The following RAP1GAP2 variants were observed in gnomAD, a reference collection of about 807,000 sequenced individuals.
The protein encoded by RAP1GAP2 is rap1 GTPase-activating protein 2.
RAP1GAP2 carries 27 observed loss-of-function variants against 95.0 expected under a neutral mutation model. That is an observed-to-expected ratio of 0.28 (90% CI 0.21 to 0.39). The LOEUF (loss-of-function observed/expected upper bound fraction) is 0.39, where lower values mean the gene tolerates loss of function less well. RAP1GAP2 is among the 10% of genes least tolerant of loss of function. RAP1GAP2 has a pLI of 1.00. For missense variants in RAP1GAP2, 771 were observed against 970.0 expected (o/e 0.79, Z 2.72); for synonymous variants, 373 against 380.9 (o/e 0.98, Z 0.24).
upstream of RAP1GAP2, among the ~76,000 whole-genome samples, chr17:2,772,458 T>C (rs2068415168): frequency 6.6e-6 from 1 of 152,042 alleles, no homozygotes; most frequent in African/African-American, 2.4e-5. Context: ...GGCTAATTTA[T>C]TTCATTTTAT....
At chr17:2,865,831 G>A (rs2072593015) in intron 2 of RAP1GAP2, among the ~76,000 whole-genome samples, 1 of 152,194 alleles carries the variant, frequency 6.6e-6, no homozygotes, top group African/African-American at 2.4e-5. Flanking sequence ...TCTAGAAAGG[G>A]CTGCCAGCCC....
In RAP1GAP2 at chr17:2,827,861, C is replaced by G. The variant is rs989690717; in HGVS notation, c.80+27311C>G. Among the ~76,000 whole-genome samples, 1 of 151,760 alleles carries G rather than the reference C, an allele frequency of 6.6e-6. No homozygotes were observed. The highest frequency in any genetic ancestry group is 2.4e-5 in the African/African-American group (1 of 41,312). On this transcript the variant is annotated intron_variant, in intron 2 of 24. Coordinates refer to ENST00000254695, the MANE Select transcript of RAP1GAP2 (RefSeq NM_015085.5). The surrounding 1 kb of genome is among the most constrained non-coding windows in gnomAD (Gnocchi z 4.1). ...ACAAGGGGGAGGGTTCATACACGAT[C>G]GGTTGCAGCAGGCACGCCAGTGACG...
upstream of RAP1GAP2, among the ~76,000 whole-genome samples, chr17:2,794,550 G>A (rs925162210): frequency 5.9e-5 from 9 of 152,210 alleles, no homozygotes; most frequent in African/African-American, 9.6e-5. Flanking sequence ...AGAGGTGAGG[G>A]TTGGGGGAAG....
chr17:2,851,154 A>G (rs1235425649), intron 2 of RAP1GAP2, among the ~76,000 whole-genome samples: 1 of 152,178 alleles, frequency 6.6e-6, no homozygotes, highest in Non-Finnish European at 1.5e-5. Context: ...AAGAATTATG[A>G]AGGAGGTGGC....
At position 3,004,099 on chromosome 17, in the gene RAP1GAP2, A is replaced by C. The variant is rs1567882950; in HGVS notation, c.1201-1270A>C. Among the ~76,000 whole-genome samples the C allele has an allele frequency of 6.6e-6, 1 of 151,994 alleles. No individual in the cohort carries two copies. The highest frequency in any genetic ancestry group is 6.6e-5 in the Admixed American group (1 of 15,262). On this transcript the variant is annotated intron_variant, in intron 14 of 24. Transcript: ENST00000254695. This position sits in a 1 kb window ranked among gnomAD's most constrained non-coding sequence, Gnocchi z 4.1. ...TCTGCAGTCTCCCCATAGCCTTCCC[A>C]CACCCCCACCCCTGATTCTGGCTCT...
chr17:2,941,169 A>G (rs2043481690), intron 3 of RAP1GAP2, among the ~76,000 whole-genome samples: 1 of 152,204 alleles, frequency 6.6e-6, no homozygotes, highest in African/African-American at 2.4e-5. Context: ...TGGGAGGCCG[A>G]AGCGGGTGGA....
intron 22 of RAP1GAP2, among the ~76,000 whole-genome samples, chr17:3,028,852 G>A (rs2047206507): frequency 6.6e-6 from 1 of 152,176 alleles, no homozygotes; most frequent in African/African-American, 2.4e-5. Context: ...CCAGGCTGGA[G>A]TGCAATGGCG....
chr17:2,853,256 C>G (rs1174770317), intron 2 of RAP1GAP2, among the ~76,000 whole-genome samples: 1 of 151,936 alleles, frequency 6.6e-6, no homozygotes, highest in East Asian at 1.9e-4. Context: ...CGAGCCGGGG[C>G]GGGCGCCGGG....
intron 2 of RAP1GAP2, among the ~76,000 whole-genome samples, chr17:2,858,999 G>C (rs1376048514): frequency 6.6e-6 from 1 of 151,846 alleles, no homozygotes; most frequent in Admixed American, 6.6e-5. Flanking sequence ...GTCAGTATTT[G>C]AATTTCCCCA....
chr17:2,915,336 T>G (rs958095668), intron 3 of RAP1GAP2, among the ~76,000 whole-genome samples: 7 of 151,930 alleles, frequency 4.6e-5, no homozygotes, highest in African/African-American at 1.7e-4. Flanking sequence ...GCTCAAGCCA[T>G]CCTTCCACCT....
At chr17:2,921,749 G>A (rs976624175) in intron 3 of RAP1GAP2, among the ~76,000 whole-genome samples, 1 of 151,988 alleles carries the variant, frequency 6.6e-6, no homozygotes, top group Non-Finnish European at 1.5e-5. Flanking sequence ...GACCGTTAAG[G>A]TGTCCTTAAG....
intron 2 of RAP1GAP2, among the ~76,000 whole-genome samples, chr17:2,889,047 G>A (rs2073599829): frequency 6.6e-6 from 1 of 152,160 alleles, no homozygotes; most frequent in Non-Finnish European, 1.5e-5. Flanking sequence ...AAACACAGGA[G>A]TGCAGATGGC....
At chr17:2,987,396 T>C (rs1597803214) in intron 11 of RAP1GAP2, among the ~76,000 whole-genome samples, 1 of 152,228 alleles carries the variant, frequency 6.6e-6, no homozygotes, top group African/African-American at 2.4e-5. Flanking sequence ...GGAGTTTTGC[T>C]CTTGTTGCCC....
intron 3 of RAP1GAP2, among the ~76,000 whole-genome samples, chr17:2,920,772 T>C (rs1027359982): frequency 4.6e-5 from 7 of 152,218 alleles, no homozygotes; most frequent in Admixed American, 2.6e-4. Flanking sequence ...GGTGGTTTCA[T>C]TGATAATCCC....
At chr17:2,992,312 C>T (rs901967960) in intron 12 of RAP1GAP2, among the ~76,000 whole-genome samples, 5 of 151,956 alleles carry the variant, frequency 3.3e-5, no homozygotes, top group African/African-American at 1.2e-4. Flanking sequence ...AAGGCGCGCG[C>T]CACCATGCCT....
chr17:2,800,112 G>A (rs1393605884), intron 1 of RAP1GAP2: 12 of 830,080 alleles, frequency 1.4e-5, no homozygotes, highest in Non-Finnish European at 1.6e-5. Flanking sequence ...CATTCAGATT[G>A]ACATCCGTGC....
chr17:2,876,644 T>C (rs894127060), intron 2 of RAP1GAP2, among the ~76,000 whole-genome samples: 1 of 152,134 alleles, frequency 6.6e-6, no homozygotes, highest in African/African-American at 2.4e-5. Flanking sequence ...AGAGATGAGA[T>C]AGCAAATGTT....
In RAP1GAP2 at chr17:2,981,156, G is replaced by A. The variant is rs1481920429; in HGVS notation, c.676-39G>A. On this transcript the variant is annotated intron_variant, in intron 9 of 24. Coordinates refer to ENST00000254695, the MANE Select transcript of RAP1GAP2 (RefSeq NM_015085.5). ...CAGAGGAGCCCAGATGTCCTCTACA[G>A]ATATCATCCCTGACCTGCGTCTTCT... The A allele has an allele frequency of 2.5e-6, 4 of 1,593,044 alleles. No homozygotes were observed. In the South Asian group the frequency reaches 3.4e-5, roughly 13 times the overall value.
At chr17:2,859,182 C>T (rs968836514) in intron 2 of RAP1GAP2, among the ~76,000 whole-genome samples, 2 of 148,236 alleles carry the variant, frequency 1.3e-5, no homozygotes, top group Admixed American at 6.8e-5. Flanking sequence ...ACGATCTCGG[C>T]TCACTGCAAC....
Sources: allele counts gnomAD v4.1 joint callset (sites outside exome capture counted in the v4.1 genomes callset), GRCh38; gene constraint gnomAD v4.1.1; non-coding constraint Gnocchi (gnomAD v3.1); transcripts MANE v1.5; gene names NCBI Gene and HGNC (gene_info 2026-07-23, HGNC 2026-07-21).